The following BPTF variants were observed in gnomAD, a reference collection of about 807,000 sequenced individuals.
BPTF encodes nucleosome-remodeling factor subunit BPTF.
BPTF carries 18 observed loss-of-function variants against 292.5 expected under a neutral mutation model. The observed-to-expected ratio is 0.06, with a 90% CI of 0.04 to 0.09. The LOEUF is 0.09. BPTF is among the 10% of genes least tolerant of loss of function. The pLI is 1.00. For missense variants in BPTF, 2,726 were observed against 3,498.7 expected (o/e 0.78, Z 5.57); for synonymous variants, 1,225 against 1,251.9 (o/e 0.98, Z 0.45).
chr17:67,973,364 A>G (rs947641339), intron 26 of BPTF, among the ~76,000 whole-genome samples: 1 of 151,098 alleles, frequency 6.6e-6, no homozygotes, highest in Non-Finnish European at 1.5e-5. Flanking sequence ...ACAGAGCGAG[A>G]CTGTCTCAAG....
intron 23 of BPTF, chr17:67,956,694 T>G (rs537878280): frequency 1.4e-5 from 2 of 146,566 alleles, no homozygotes; most frequent in Admixed American, 6.9e-5. Context: ...TCAGGCACAG[T>G]GGCTTACGCC....
chr17:67,931,456 CAGAGTG>C (rs1186142685), intron 17 of BPTF, among the ~76,000 whole-genome samples: 2 of 152,092 alleles, frequency 1.3e-5, no homozygotes, highest in African/African-American at 4.8e-5. Context: ...TCTTGGGCAA[CAGAGTG>C]AGACCCTGTC....
At chr17:67,841,265 C>G (rs1359220591) in intron 1 of BPTF, among the ~76,000 whole-genome samples, 6 of 151,902 alleles carry the variant, frequency 3.9e-5, no homozygotes, top group Non-Finnish European at 5.9e-5. Context: ...AAAAATTAGC[C>G]GGTCGTGGTG....
chr17:67,926,255 T>C (rs532924800), intron 15 of BPTF, among the ~76,000 whole-genome samples: 1 of 150,704 alleles, frequency 6.6e-6, no homozygotes, highest in African/African-American at 2.4e-5. Flanking sequence ...GCGATCTGCC[T>C]ACCAGGGCCT....
intron 1 of BPTF, among the ~76,000 whole-genome samples, chr17:67,848,345 T>C (rs1225989880): frequency 6.6e-6 from 1 of 152,148 alleles, no homozygotes; most frequent in Non-Finnish European, 1.5e-5. Flanking sequence ...CTACAATAAC[T>C]AAAACATGAT....
chr17:67,887,930 G>A (rs1041222754), intron 4 of BPTF, among the ~76,000 whole-genome samples: 38 of 152,208 alleles, frequency 2.5e-4, no homozygotes, highest in African/African-American at 8.7e-4. Context: ...CAAATCAGAA[G>A]CCCTTGAGGA....
chr17:67,976,271 G>A (rs868959513), intron 27 of BPTF, among the ~76,000 whole-genome samples: 2 of 152,092 alleles, frequency 1.3e-5, no homozygotes, highest in African/African-American at 2.4e-5. Flanking sequence ...TCAGGAGTTC[G>A]AGCCCAGACT....
intron 26 of BPTF, among the ~76,000 whole-genome samples, chr17:67,968,678 C>T (rs1043763115): frequency 1.2e-4 from 18 of 150,970 alleles, no homozygotes; most frequent in Admixed American, 7.9e-4. Context: ...GTCCCAGCTA[C>T]TCAGGAGGCT....
intron 20 of BPTF, chr17:67,944,590 G>A (rs1010361305): frequency 2.0e-5 from 10 of 501,256 alleles, no homozygotes; most frequent in South Asian, 7.2e-5. Flanking sequence ...TATTAAAAAA[G>A]AGAGAGAGAG....
In BPTF at chr17:67,946,028, A is replaced by G. The variant is rs782022893; in HGVS notation, c.7320A>G (p.Gln2440=). The stretch of plus-strand genomic sequence containing the variant: ...TCATTGCTGTGCCTCAGCTGCAACA[A>G]CAAGTCCAGGTTCTCTCTCAGATCC... ...PQVIAVPQLQ[Q]QVQVLSQIQS... Residue 2440 remains glutamine, a synonymous_variant, in exon 21 of 28, where the codon CAA becomes CAG. Transcript: ENST00000306378. 4.3e-6 allele frequency: 7 copies of G among 1,614,084 alleles called. No individual in the cohort carries two copies. The East Asian group carries it at 6.7e-5, about 15-fold the overall frequency.
At chr17:67,974,265 C>G (rs1555692616) in intron 26 of BPTF, 1 of 146,506 alleles carries the variant, frequency 6.8e-6, no homozygotes, top group Non-Finnish European at 1.5e-5. Context: ...TCAGTACATT[C>G]CAAAGCAGTT....
chr17:67,871,254 C>G (rs1469971493), intron 3 of BPTF, among the ~76,000 whole-genome samples: 1 of 151,864 alleles, frequency 6.6e-6, no homozygotes, highest in Non-Finnish European at 1.5e-5. Context: ...CCAGCCTGAT[C>G]AACATGGCAA....
rs561390792 is a variant in BPTF at position 67,968,589 on chromosome 17, T to C, written c.8539+1933T>C. Reference sequence around the variant, plus strand: ...GTCAGGAGATCGAGACCATCCTGGCTAACACGGTGAAACCCCGTGTTAGCC... The same window carrying C: ...GTCAGGAGATCGAGACCATCCTGGCCAACACGGTGAAACCCCGTGTTAGCC... On this transcript the variant is annotated intron_variant, in intron 26 of 27. Coordinates refer to ENST00000306378, the MANE Select transcript of BPTF (RefSeq NM_182641.4). Among the ~76,000 whole-genome samples the C allele has an allele frequency of 1.6e-4, 24 of 151,054 alleles. No individual in the cohort carries two copies. The South Asian group carries it at 4.8e-3, about 30-fold the overall frequency.
intron 2 of BPTF, among the ~76,000 whole-genome samples, chr17:67,856,476 A>T (rs2058699217): frequency 6.6e-6 from 1 of 151,850 alleles, no homozygotes; most frequent in South Asian, 2.1e-4. Context: ...TCATATTCAG[A>T]TGTTTATTAA....
At chr17:67,836,610 A>G (rs962742630) in intron 1 of BPTF, among the ~76,000 whole-genome samples, 5 of 152,216 alleles carry the variant, frequency 3.3e-5, no homozygotes, top group African/African-American at 1.2e-4. Context: ...TTATTCATAG[A>G]GCCTCAAAAT....
intron 27 of BPTF, among the ~76,000 whole-genome samples, chr17:67,978,913 A>G (rs2069929420): frequency 6.6e-6 from 1 of 152,166 alleles, no homozygotes; most frequent in Non-Finnish European, 1.5e-5. Context: ...ACGGTGGCTC[A>G]TGCCTGTAAT....
At chr17:67,861,100 A>G (rs958940957) in intron 2 of BPTF, among the ~76,000 whole-genome samples, 2 of 151,808 alleles carry the variant, frequency 1.3e-5, no homozygotes, top group African/African-American at 4.8e-5. Flanking sequence ...CCCATTACCT[A>G]CTCTTCATCC....
rs775362278 is a variant in BPTF, at chr17:67,911,211, G to A, written c.3327G>A (p.Thr1109=). 7 of 1,613,814 alleles carry A rather than the reference G, an allele frequency of 4.3e-6. No individual in the cohort carries two copies. The highest frequency in any genetic ancestry group is 4.0e-5 in the African/African-American group (3 of 75,036). The change falls in exon 11 of 28, where the codon ACG becomes ACA. Residue 1109 remains threonine, a synonymous_variant. Transcript: ENST00000306378. ...ATCTCTCTGAATCACCAGTAATAAC[G>A]AAAGCAAAAGAAGGGTGTCAGAGTG... is the stretch of plus-strand genomic sequence containing the variant. The part of the protein sequence containing the change: ...SKNLSESPVI[T]KAKEGCQSDS...
At chr17:67,909,244 A>G (rs1377916317) in intron 9 of BPTF, among the ~76,000 whole-genome samples, 3 of 149,332 alleles carry the variant, frequency 2.0e-5, no homozygotes, top group Non-Finnish European at 3.0e-5. Flanking sequence ...GCTGGAGTGC[A>G]GTGGCATGAG....
Sources: gnomAD v4.1 joint callset for allele counts (sites outside exome capture counted in the v4.1 genomes callset) on GRCh38, gnomAD v4.1.1 for gene constraint, MANE v1.5 for transcripts, NCBI Gene and HGNC (gene_info 2026-07-23, HGNC 2026-07-21) for gene names.